RSPH14: variants seen among roughly 807,000 people sequenced by gnomAD.
The protein encoded by RSPH14 is radial spoke head 14 homolog, also known as rhabdoid tumor deletion region gene 1.
RSPH14 carries 20 observed loss-of-function variants against 26.7 expected under a neutral mutation model. That is an observed-to-expected ratio of 0.75 (90% confidence interval 0.53 to 1.09). The LOEUF is 1.09. Ranked by LOEUF, RSPH14 falls within the 50% of genes least tolerant of loss-of-function variation. RSPH14 has a pLI of 0.00. For missense variants in RSPH14, 449 were observed against 457.2 expected, an observed-to-expected ratio of 0.98 and a Z score of 0.16; for synonymous variants, 177 against 189.3, an observed-to-expected ratio of 0.93 and a Z score of 0.53.
At chr22:23,060,401 C>T (rs955512875) in intron 6 of RSPH14, among the ~76,000 whole-genome samples, 1 of 151,100 alleles carries the variant, frequency 6.6e-6, no homozygotes, top group Non-Finnish European at 1.5e-5. Flanking sequence ...ACCTGGGAGG[C>T]GGAGCTTGCA....
the RSPH14 span, chr22:23,158,048 G>T: frequency 6.2e-7 from 1 of 1,614,134 alleles, no homozygotes; most frequent in Non-Finnish European, 8.5e-7. Context: ...TACCAGGTAA[G>T]TCTGGGCTCT....
At chr22:23,172,515 C>A in the RSPH14 span, among the ~76,000 whole-genome samples, 1 of 148,970 alleles carries the variant, frequency 6.7e-6, no homozygotes, top group South Asian at 2.1e-4. Context: ...GAGATCAAGA[C>A]CATGGTGAAA....
the RSPH14 span, among the ~76,000 whole-genome samples, chr22:23,173,548 C>T: frequency 1.4e-4 from 21 of 152,122 alleles, no homozygotes; most frequent in African/African-American, 5.1e-4. Context: ...TCAAGCAATC[C>T]TTCCACCTCA....
rs773947794 is a variant in RSPH14, at chr22:23,095,706, G to A, written c.422-31573C>T. On this transcript the variant is annotated intron_variant, in intron 4 of 6. Transcript: ENST00000216036. ...CGCTGCTGCCAGACCATGGGATGTC[G>A]GCAAAGCTCAGAGGAAAAAGAAGCA... 4.4e-6 allele frequency: 7 copies of A among 1,605,880 alleles called. No individual in the cohort carries two copies. The highest frequency in any genetic ancestry group is 2.2e-5 in the East Asian group (1 of 44,788).
At chr22:23,069,965 ACTGG>A (rs757689502) in intron 4 of RSPH14, among the ~76,000 whole-genome samples, 35 of 152,228 alleles carry the variant, frequency 2.3e-4, no homozygotes, top group Non-Finnish European at 4.7e-4. Flanking sequence ...GCGAGCCGGG[ACTGG>A]CTGCAGTAAA....
At chr22:23,162,882 A>G in the RSPH14 span, 5 of 370,368 alleles carry the variant, frequency 1.4e-5, 1 homozygote, top group South Asian at 9.8e-5. Flanking sequence ...TTCCCCCTTC[A>G]ACATATTTTT....
At chr22:23,095,581 A>T in intron 4 of RSPH14, 1 of 1,192,368 alleles carries the variant, frequency 8.4e-7, no homozygotes, top group Non-Finnish European at 1.2e-6. Context: ...CCCTGCTGGC[A>T]CTGAGTGCCT....
chr22:23,118,482 A>G (rs737846), intron 4 of RSPH14, among the ~76,000 whole-genome samples: 71,931 of 143,990 alleles, frequency 0.5, 17,592 homozygotes, highest in Middle Eastern at 0.58. Context: ...GCCCCGCCCC[A>G]CCCCCCGCGG....
the RSPH14 span, chr22:23,155,993 T>C: frequency 6.2e-7 from 1 of 1,612,576 alleles, no homozygotes; most frequent in South Asian, 1.1e-5. Context: ...GCAGGAGAAG[T>C]TCAAGTGCAT....
chr22:23,082,375 C>CT lies in RSPH14; in HGVS notation c.422-18243dup, dbSNP rs1413043978. 2.8e-3 allele frequency among the ~76,000 whole-genome samples: 375 copies of CT among 131,794 alleles called. 1 individual carries two copies. Among genetic ancestry groups the CT allele is most frequent in the African/African-American group, 9.8e-3 (352 of 35,920 alleles). The allele number at this position is 131,794 out of a possible 152,430, so 86.5% of individuals were successfully genotyped here. On this transcript the variant is annotated intron_variant, in intron 4 of 6. Coordinates refer to ENST00000216036, the MANE Select transcript of RSPH14 (RefSeq NM_014433.3). ...TACAGGCGCACACCACCACACCTGGCTATTTTTTTTTTTTTTTTTTGTATC... is the reference window on the plus strand; with the variant it reads ...TACAGGCGCACACCACCACACCTGGCTTATTTTTTTTTTTTTTTTTTGTATC...
Position 23,130,496 on chromosome 22 carries a change from A to AAGAAAGAAAGAGAAAGAAAGAAAGAAAG in RSPH14, c.421+3529_421+3530insCTTTCTTTCTTTCTTTCTCTTTCTTTCT, listed in dbSNP as rs67156030. Among the ~76,000 whole-genome samples, 3 of 110,692 alleles carry AAGAAAGAAAGAGAAAGAAAGAAAGAAAG rather than the reference A, an allele frequency of 2.7e-5. 1 individual carries two copies. In the East Asian group the frequency reaches 8.4e-4, roughly 31 times the overall value. The allele number at this position is 110,692 out of a possible 152,430, so 72.6% of individuals were successfully genotyped here. On this transcript the variant is annotated intron_variant, in intron 4 of 6. Transcript: ENST00000216036. ...GAAAAGAGAAAGAAAGAAGGAAAGA[A>AAGAAAGAAAGAGAAAGAAAGAAAGAAAG]AAAGAAAGAAAGAAAGAAAGAAAGA...
At chr22:23,145,332 G>T, upstream of RSPH14, 2 of 1,519,634 alleles carry the variant, frequency 1.3e-6, no homozygotes, top group Non-Finnish European at 8.9e-7. Flanking sequence ...TCTGCTGCCA[G>T]CCCCGCCCAG....
upstream of RSPH14, among the ~76,000 whole-genome samples, chr22:23,142,629 C>T (rs1255838012): frequency 6.6e-6 from 1 of 152,250 alleles, no homozygotes; most frequent in Non-Finnish European, 1.5e-5. Flanking sequence ...TGAGCCACTG[C>T]GCTCAGCCAG....
At chr22:23,139,900 A>T (rs1169917875) in intron 2 of RSPH14, among the ~76,000 whole-genome samples, 1 of 152,168 alleles carries the variant, frequency 6.6e-6, no homozygotes, top group Admixed American at 6.5e-5. Flanking sequence ...GTTTATAAAA[A>T]AATAATAATA....
At position 23,138,887 on chromosome 22, in the gene RSPH14, T is replaced by C. The variant is rs894103210; in HGVS notation, c.255A>G (p.Ile85Met). The C allele has an allele frequency of 1.3e-6, 2 of 1,550,624 alleles. No individual in the cohort carries two copies. The highest frequency in any genetic ancestry group is 1.7e-6 in the Non-Finnish European group (2 of 1,147,144). Residue 85 changes from isoleucine (I) to methionine (M), a missense_variant, in exon 3 of 7, where the codon ATA (isoleucine) becomes ATG (methionine). By Grantham distance (10) the Ile-to-Met change is conservative. Coordinates refer to ENST00000216036, the MANE Select transcript of RSPH14 (RefSeq NM_014433.3). ...LLKDSNSMVR[I>M]KTTEVLHITA... ...TGATGTGGAGCACCTCGGTGGTCTT[T>C]ATGCGCACCATACTGTTGCTATCCT...
At chr22:23,156,181 C>A in the RSPH14 span, 8 of 557,692 alleles carry the variant, frequency 1.4e-5, no homozygotes, top group Non-Finnish European at 2.5e-5. Context: ...TGCTTGGGAA[C>A]AGGGAAGCTG....
At chr22:23,108,725 A>G (rs905327898) in intron 4 of RSPH14, among the ~76,000 whole-genome samples, 7 of 152,240 alleles carry the variant, frequency 4.6e-5, no homozygotes, top group African/African-American at 1.7e-4. Context: ...AAGCTGTGTC[A>G]TGGCCTAGGA....
At chr22:23,130,083 GGAAGAAAGA>G (rs1569192464) in intron 4 of RSPH14, among the ~76,000 whole-genome samples, 138 of 29,100 alleles carry the variant, frequency 4.7e-3, no homozygotes, top group African/African-American at 8.9e-3. Context: ...AAGAAAGAAA[GGAAGAAAGA>G]AAGAAAGAAA....
At chr22:23,101,935 C>G (rs992277590) in intron 4 of RSPH14, among the ~76,000 whole-genome samples, 7 of 152,230 alleles carry the variant, frequency 4.6e-5, no homozygotes, top group African/African-American at 1.4e-4. Context: ...ATATCCCCAG[C>G]CCGCATCCCT....
Sources: gnomAD v4.1 joint callset for allele counts (sites outside exome capture counted in the v4.1 genomes callset) on GRCh38, gnomAD v4.1.1 for gene constraint, MANE v1.5 for transcripts, NCBI Gene and HGNC (gene_info 2026-07-23, HGNC 2026-07-21) for gene names.